The following VPS53 variants were observed in gnomAD, a reference collection of about 807,000 sequenced individuals.
The protein encoded by VPS53 is vacuolar protein sorting-associated protein 53 homolog.
VPS53 carries 70 observed loss-of-function variants against 107.0 expected under a neutral mutation model. The observed-to-expected ratio is 0.65, with a 90% confidence interval of 0.54 to 0.80. The LOEUF (loss-of-function observed/expected upper bound fraction) is 0.80. Among genes scored for constraint, VPS53 ranks in the 30% least tolerant of loss-of-function variants. The pLI is 0.00. For synonymous variants in VPS53, 409 were observed against 393.3 expected, an observed-to-expected ratio of 1.04 and a Z score of -0.47; for missense variants, 917 against 1,049.4, an observed-to-expected ratio of 0.87 and a Z score of 1.74.
intron 13 of VPS53, among the ~76,000 whole-genome samples, chr17:567,351 C>T (rs1186262341): frequency 1.3e-5 from 2 of 152,156 alleles, no homozygotes; most frequent in Non-Finnish European, 2.9e-5. Flanking sequence ...CCCTGCCTTC[C>T]ATCTTTCACC....
At chr17:521,477 C>T in intron 20 of VPS53, 124 bp downstream of exon 20, 2 of 1,156,644 alleles carry the variant, frequency 1.7e-6, no homozygotes, top group Non-Finnish European at 2.3e-6. Context: ...TCCAGTCCAG[C>T]CCAAGAATGT....
At chr17:555,524 G>A (rs1912259471) in intron 15 of VPS53, among the ~76,000 whole-genome samples, 1 of 151,916 alleles carries the variant, frequency 6.6e-6, no homozygotes, top group South Asian at 2.1e-4. Context: ...AGTAGAGACG[G>A]GGGTTTTACT....
intron 11 of VPS53, among the ~76,000 whole-genome samples, chr17:614,867 G>A (rs1597384029): frequency 6.6e-6 from 1 of 152,154 alleles, no homozygotes; most frequent in African/African-American, 2.4e-5. Context: ...TGTTTCAAAA[G>A]GCAACTTATG....
intron 18 of VPS53, among the ~76,000 whole-genome samples, chr17:534,379 G>A (rs973134273): frequency 3.3e-5 from 5 of 152,190 alleles, no homozygotes; most frequent in Non-Finnish European, 2.9e-5. Flanking sequence ...GACAGCAAAC[G>A]AGGTAAAAGG....
intron 2 of VPS53, among the ~76,000 whole-genome samples, chr17:701,481 G>A (rs367794824): frequency 2.0e-5 from 3 of 149,904 alleles, no homozygotes; most frequent in East Asian, 2.1e-4. Flanking sequence ...TGGTTCAAGC[G>A]ATTCTCCTGC....
intron 18 of VPS53, among the ~76,000 whole-genome samples, chr17:534,129 C>A (rs781677405): frequency 6.6e-6 from 1 of 152,198 alleles, no homozygotes; most frequent in Non-Finnish European, 1.5e-5. Context: ...CGTGAGCCAC[C>A]GCGCCCAGCC....
At chr17:614,269 C>T (rs1317537322) in intron 11 of VPS53, among the ~76,000 whole-genome samples, 2 of 152,014 alleles carry the variant, frequency 1.3e-5, no homozygotes, top group Non-Finnish European at 2.9e-5. Context: ...TGTGACATTT[C>T]GTGACATGAG....
intron 11 of VPS53, among the ~76,000 whole-genome samples, chr17:612,566 A>G (rs12450847): frequency 0.093 from 13,898 of 148,802 alleles, 644 homozygotes; most frequent in East Asian, 0.2. Context: ...ACCTGTACAG[A>G]TACTCACAGC....
intron 7 of VPS53, among the ~76,000 whole-genome samples, chr17:641,629 A>G (rs911342881): frequency 9.2e-5 from 14 of 151,918 alleles, no homozygotes; most frequent in Admixed American, 9.2e-4. Context: ...TAATTCTTGT[A>G]TTTTTTGTAG....
rs1454908654 is a variant in VPS53 at position 598,758 on chromosome 17, C to T, written c.1218+3037G>A. Among the ~76,000 whole-genome samples the T allele has an allele frequency of 1.8e-3, 214 of 117,740 alleles. 3 individuals are homozygous for T. The highest frequency in any genetic ancestry group is 1.5e-3 in the East Asian group (4 of 2,686). 77.2% of individuals were successfully genotyped at this position (117,740 alleles called of 152,430 possible). ...CCGTCTGAGAAGTGAGGAGCCCCTCCGCCCGGCAGCCGCCCCGTCTGAGAA... is the reference window on the plus strand; with the variant it reads ...CCGTCTGAGAAGTGAGGAGCCCCTCTGCCCGGCAGCCGCCCCGTCTGAGAA... On this transcript the variant is annotated intron_variant, in intron 12 of 21. Transcript: ENST00000437048.
At chr17:550,703 AAG>A (rs912918254) in intron 17 of VPS53, among the ~76,000 whole-genome samples, 5 of 152,280 alleles carry the variant, frequency 3.3e-5, no homozygotes, top group African/African-American at 9.6e-5. Context: ...AGAGAGATAA[AAG>A]AGGGGGTGAA....
At position 668,712 on chromosome 17, in the gene VPS53, AC is replaced by A. The variant is rs1322388917; in HGVS notation, c.286-6818del. Among the ~76,000 whole-genome samples, 16 of 152,266 alleles carry A rather than the reference AC, an allele frequency of 1.1e-4. No individual in the cohort carries two copies. The East Asian group carries it at 3.1e-3, about 29-fold the overall frequency. On this transcript the variant is annotated intron_variant, in intron 4 of 21. Transcript: ENST00000437048. ...TGGGACCATAGCTACTGTGTTCTAG[AC>A]AAACACCCTAAAACATATGACATGC...
intron 12 of VPS53, among the ~76,000 whole-genome samples, chr17:598,038 A>C (rs1183819811): frequency 6.7e-6 from 1 of 149,280 alleles, no homozygotes; most frequent in Non-Finnish European, 1.5e-5. Context: ...GCTGGACTGT[A>C]CTGCTGCCAT....
chr17:671,840 C>G (rs1971960503), intron 4 of VPS53, among the ~76,000 whole-genome samples: 1 of 152,006 alleles, frequency 6.6e-6, no homozygotes, highest in South Asian at 2.1e-4. Flanking sequence ...AGGCACCCGC[C>G]ACCACACCCA....
Position 667,898 on chromosome 17 carries a change from G to T in VPS53, c.286-6003C>A, listed in dbSNP as rs534487849. On this transcript the variant is annotated intron_variant, in intron 4 of 21. Coordinates refer to ENST00000437048, the MANE Select transcript of VPS53 (RefSeq NM_001128159.3). ...CTCATAGGAGCGCGAACCCTACTGT[G>T]AACTGCACACGCGAGGGATCTAGGT... 5.3e-5 allele frequency among the ~76,000 whole-genome samples: 8 copies of T among 152,222 alleles called. No homozygotes were observed. The East Asian group carries it at 1.5e-3, about 29-fold the overall frequency.
At chr17:697,073 A>G (rs1972998250) in intron 4 of VPS53, among the ~76,000 whole-genome samples, 1 of 152,240 alleles carries the variant, frequency 6.6e-6, no homozygotes, top group South Asian at 2.1e-4. Context: ...GCCACAAAAT[A>G]TCAAAACCCC....
intron 7 of VPS53, among the ~76,000 whole-genome samples, chr17:651,029 T>G (rs916287942): frequency 6.6e-6 from 1 of 152,140 alleles, no homozygotes; most frequent in African/African-American, 2.4e-5. Flanking sequence ...AACTATAGAT[T>G]TATATAAATA....
At chr17:679,969 GA>G (rs1485887689) in intron 4 of VPS53, among the ~76,000 whole-genome samples, 1 of 152,030 alleles carries the variant, frequency 6.6e-6, no homozygotes. Context: ...CCAACATGGT[GA>G]AACCCCGTCT....
At chr17:592,353 G>T (rs1377540102) in intron 12 of VPS53, among the ~76,000 whole-genome samples, 15 of 152,104 alleles carry the variant, frequency 9.9e-5, no homozygotes, top group Non-Finnish European at 2.2e-4. Context: ...CAATTTGCCA[G>T]TCTGTGTCTT....
Sources: allele counts gnomAD v4.1 joint callset (sites outside exome capture counted in the v4.1 genomes callset), GRCh38; gene constraint gnomAD v4.1.1; transcripts MANE v1.5; gene names NCBI Gene and HGNC (gene_info 2026-07-23, HGNC 2026-07-21).